Variants in ITSN2 observed in about 807,000 individuals in gnomAD.
The protein encoded by ITSN2 is intersectin-2.
Under a neutral mutation model 243.7 loss-of-function variants are expected in ITSN2, and 156 were observed. That is an observed-to-expected ratio of 0.64 (90% CI 0.56 to 0.73). The LOEUF (loss-of-function observed/expected upper bound fraction) is 0.73. Among genes scored for constraint, ITSN2 ranks in the 30% least tolerant of loss-of-function variants. ITSN2 has a pLI of 0.00. For missense variants in ITSN2, 1,801 were observed against 1,996.1 expected (o/e 0.90, Z 1.86); for synonymous variants, 703 against 699.9 (o/e 1.00, Z -0.07).
intron 1 of ITSN2, among the ~76,000 whole-genome samples, chr2:24,336,623 CTTCT>C (rs1574359338): frequency 6.6e-6 from 1 of 152,186 alleles, no homozygotes; most frequent in African/African-American, 2.4e-5. Flanking sequence ...CTTTCTTCTC[CTTCT>C]TTGATTCCCA....
At chr2:24,262,126 A>C (rs954947674) in intron 20 of ITSN2, among the ~76,000 whole-genome samples, 2 of 151,958 alleles carry the variant, frequency 1.3e-5, no homozygotes, top group African/African-American at 2.4e-5. Flanking sequence ...TTTTTCTTGA[A>C]TTTTTTCAAT....
chr2:24,337,315 A>AATATAT (rs201712131), intron 1 of ITSN2, among the ~76,000 whole-genome samples: 335 of 31,994 alleles, frequency 0.01, 4 homozygotes, highest in South Asian at 0.026. Flanking sequence ...GTATACACAA[A>AATATAT]ATATATATAT....
In ITSN2 at chr2:24,295,629, C is replaced by A. The variant is rs375191536; in HGVS notation, c.1635+35G>T. On this transcript the variant is annotated intron_variant, in intron 14 of 39. Transcript: ENST00000355123. ...CAGCCCAGAAGAACTATTAATTGTA[C>A]ATGTTTAAGAACAATTTAGCAGTGA... The A allele has an allele frequency of 3.4e-6, 5 of 1,461,874 alleles. No individual in the cohort carries two copies. In the African/African-American group the frequency reaches 7.4e-5, roughly 22 times the overall value. 90.6% of individuals were successfully genotyped at this position (1,461,874 alleles called of 1,614,324 possible).
chr2:24,301,268 T>A, intron 10 of ITSN2, 29 bp from the exon 11 acceptor site: 1 of 1,400,994 alleles, frequency 7.1e-7, no homozygotes, highest in Non-Finnish European at 1.0e-6. Flanking sequence ...AAAGTTAGCA[T>A]CATGTAGTCT....
At chr2:24,231,632 A>G (rs1373041766) in intron 29 of ITSN2, among the ~76,000 whole-genome samples, 1 of 152,216 alleles carries the variant, frequency 6.6e-6, no homozygotes, top group Non-Finnish European at 1.5e-5. Flanking sequence ...GGGAAGCACT[A>G]TTCCAAGTTA....
chr2:24,258,021 A>C lies in ITSN2; in HGVS notation c.2755T>G (p.Phe919Val). 6.2e-7 allele frequency: 1 copy of C among 1,614,124 alleles called. No homozygotes were observed. Residue 919 changes from phenylalanine (F) to valine (V), a missense_variant, in exon 23 of 40, where the codon TTC (phenylalanine) becomes GTC (valine). This residue lies in a region of ITSN2 where 928 missense variants were observed against 1,065.4 expected (regional missense o/e 0.87). Coordinates refer to ENST00000355123, the MANE Select transcript of ITSN2 (RefSeq NM_006277.3). ...ACAGTAATAATGTCATGTTTTGAGA[A>C]GTTCAAGTGGTTATCTTTCTTTGCA... Reference protein sequence around the residue: ...WTAKKDNHLNFSKHDIITVLE... With the variant: ...WTAKKDNHLNVSKHDIITVLE...
intron 25 of ITSN2, among the ~76,000 whole-genome samples, chr2:24,250,719 T>A (rs1673975998): frequency 6.6e-6 from 1 of 152,154 alleles, no homozygotes; most frequent in South Asian, 2.1e-4. Context: ...TTTGTCAAGT[T>A]TTAGTGTGGT....
rs1052729950 is a variant in ITSN2, at chr2:24,348,251, T to C, written c.-34+12053A>G. 2.8e-5 allele frequency among the ~76,000 whole-genome samples: 4 copies of C among 142,328 alleles called. No individual in the cohort carries two copies. The Admixed American group carries it at 3.0e-4, about 11-fold the overall frequency. 93.4% of individuals were successfully genotyped at this position (142,328 alleles called of 152,430 possible). A position where few individuals can be genotyped will look rare whatever the true frequency, so the allele number is the denominator to read the frequency against. On this transcript the variant is annotated intron_variant, in intron 1 of 39. Coordinates refer to ENST00000355123, the MANE Select transcript of ITSN2 (RefSeq NM_006277.3). ...GTGCAGTGGCGCGATATCAGCTCAC[T>C]GCAACCTCCACCTTCTGGGTTCAAG...
intron 1 of ITSN2, among the ~76,000 whole-genome samples, chr2:24,330,236 G>T (rs1240071187): frequency 1.3e-5 from 2 of 152,192 alleles, no homozygotes; most frequent in Non-Finnish European, 2.9e-5. Context: ...CAAATCATCT[G>T]TCTAGAACCA....
chr2:24,297,988 CTT>C (rs760279389), intron 13 of ITSN2, among the ~76,000 whole-genome samples: 16 of 143,078 alleles, frequency 1.1e-4, no homozygotes, highest in Admixed American at 2.1e-4. Context: ...TTACATTTTT[CTT>C]TTTTTTTTTT....
chr2:24,270,748 C>A lies in ITSN2; in HGVS notation c.2278G>T (p.Val760Leu). 6 of 1,589,164 alleles carry A rather than the reference C, an allele frequency of 3.8e-6. No homozygotes were observed. Among genetic ancestry groups the A allele is most frequent in the Non-Finnish European group, 5.2e-6 (6 of 1,159,776 alleles). Residue 760 changes from valine (V) to leucine (L), a missense_variant, in exon 20 of 40, where the codon GTG becomes TTG. Physicochemically the swap from Val to Leu is conservative, Grantham distance 32. This residue lies in a region of ITSN2 where 787 missense variants were observed against 803.9 expected (regional missense o/e 0.98). Coordinates refer to ENST00000355123, the MANE Select transcript of ITSN2 (RefSeq NM_006277.3). ...EKKRETASVL[V>L]NYRALYPFEA... ...AAGGGGTATAATGCTCTATAATTCACCAAAACACTAGCTGTCTCACCTAAA... is the reference window on the plus strand; with the variant it reads ...AAGGGGTATAATGCTCTATAATTCAACAAAACACTAGCTGTCTCACCTAAA...
intron 29 of ITSN2, among the ~76,000 whole-genome samples, chr2:24,224,702 C>T (rs1232380612): frequency 1.3e-5 from 2 of 151,736 alleles, no homozygotes; most frequent in Admixed American, 6.6e-5. Flanking sequence ...GGCGCGATCT[C>T]GGCTCACTAC....
intron 29 of ITSN2, among the ~76,000 whole-genome samples, chr2:24,236,754 C>T (rs1672204353): frequency 6.7e-6 from 1 of 150,196 alleles, no homozygotes; most frequent in African/African-American, 2.5e-5. Context: ...ACTGCAGCCT[C>T]GATCTCCCAG....
chr2:24,291,389 A>C (rs772145629), intron 15 of ITSN2, among the ~76,000 whole-genome samples: 1 of 152,166 alleles, frequency 6.6e-6, no homozygotes, highest in African/African-American at 2.4e-5. Flanking sequence ...TCAGCACCCT[A>C]AAGTGCTGGG....
intron 1 of ITSN2, among the ~76,000 whole-genome samples, chr2:24,329,594 A>C (rs1685549528): frequency 6.6e-6 from 1 of 152,200 alleles, no homozygotes; most frequent in Non-Finnish European, 1.5e-5. Flanking sequence ...GAGTAGGACC[A>C]GTTAGGAAGT....
chr2:24,356,130 A>T (rs1688421496), intron 1 of ITSN2, among the ~76,000 whole-genome samples: 1 of 151,074 alleles, frequency 6.6e-6, no homozygotes, highest in Admixed American at 6.6e-5. Flanking sequence ...TGAACCCCGG[A>T]GGCTGAGGTT....
chr2:24,334,725 G>T, intron 1 of ITSN2: 1 of 1,586,456 alleles, frequency 6.3e-7, no homozygotes, highest in South Asian at 1.1e-5. Flanking sequence ...AGGCTTGAGT[G>T]CGTTGAGCCC....
chr2:24,312,276 A>G lies in ITSN2; in HGVS notation c.288T>C (p.Pro96=), dbSNP rs1212692024. 28 of 1,613,818 alleles carry G rather than the reference A, an allele frequency of 1.7e-5. No individual in the cohort carries two copies. The highest frequency in any genetic ancestry group is 2.4e-5 in the Non-Finnish European group (28 of 1,179,810). Residue 96 remains proline, a synonymous_variant, in exon 5 of 40, where the codon CCT becomes CCC. Transcript: ENST00000355123. The part of the protein sequence containing the change: ...IKLKLQGQQL[P]VVLPPIMKQP... ...GCTTCATAATAGGAGGGAGAACCACAGGCAACTGTTGGCCTTGAAGCTTCA... is the reference window on the plus strand; with the variant it reads ...GCTTCATAATAGGAGGGAGAACCACGGGCAACTGTTGGCCTTGAAGCTTCA...
intron 8 of ITSN2, among the ~76,000 whole-genome samples, chr2:24,304,888 G>A (rs1429758624): frequency 3.9e-5 from 6 of 152,194 alleles, no homozygotes. Context: ...TACTTACTAA[G>A]TAAAACTCAT....
Sources: gnomAD v4.1 joint callset for allele counts (sites outside exome capture counted in the v4.1 genomes callset) on GRCh38, gnomAD v4.1.1 for gene constraint, gnomAD v4.1.1 regional missense constraint, MANE v1.5 for transcripts, NCBI Gene and HGNC (gene_info 2026-07-23, HGNC 2026-07-21) for gene names.